The following NAALADL2 variants were observed in gnomAD, a reference collection of about 807,000 sequenced individuals.
The protein encoded by NAALADL2 is N-acetylated alpha-linked acidic dipeptidase like 2.
A neutral mutation model predicts 87.2 loss-of-function variants in NAALADL2; 76 were observed. That is an observed-to-expected ratio of 0.87 (90% CI 0.72 to 1.05). The LOEUF is 1.05. Among genes scored for constraint, NAALADL2 ranks in the 50% least tolerant of loss-of-function variants. NAALADL2 has a pLI of 0.00. For synonymous variants in NAALADL2, 354 were observed against 331.0 expected (o/e 1.07, Z -0.75); for missense variants, 1,089 against 945.8 (o/e 1.15, Z -1.99).
At chr3:175,668,395 T>A (rs1047793016) in intron 11 of NAALADL2, among the ~76,000 whole-genome samples, 2 of 152,158 alleles carry the variant, frequency 1.3e-5, no homozygotes, top group African/African-American at 4.8e-5. Flanking sequence ...TTAACTTTAG[T>A]ACTGTGGATG....
At chr3:174,516,469 T>A (rs761588877) in intron 1 of NAALADL2, among the ~76,000 whole-genome samples, 4 of 152,058 alleles carry the variant, frequency 2.6e-5, no homozygotes, top group Non-Finnish European at 4.4e-5. Flanking sequence ...GCCTGGTAAT[T>A]CTACTTTACT....
intron 4 of NAALADL2, among the ~76,000 whole-genome samples, chr3:175,286,805 A>G (rs1247855258): frequency 6.6e-6 from 1 of 152,168 alleles, no homozygotes; most frequent in African/African-American, 2.4e-5. Flanking sequence ...TAACAATGTT[A>G]TCTAGGCTGG....
chr3:175,683,583 T>C (rs1256210665), intron 11 of NAALADL2, among the ~76,000 whole-genome samples: 3 of 151,998 alleles, frequency 2.0e-5, no homozygotes, highest in Non-Finnish European at 2.9e-5. Context: ...TATACAAGTT[T>C]CTATTTAAAA....
intron 5 of NAALADL2, among the ~76,000 whole-genome samples, chr3:175,364,039 G>A (rs184732152): frequency 3.4e-5 from 5 of 147,728 alleles, no homozygotes; most frequent in East Asian, 4.0e-4. Flanking sequence ...GTGATTTCTG[G>A]TAGCTGTATT....
intron 9 of NAALADL2, among the ~76,000 whole-genome samples, chr3:175,494,113 GT>G (rs1728488398): frequency 8.1e-6 from 1 of 122,902 alleles, no homozygotes; most frequent in Non-Finnish European, 1.7e-5. Context: ...AAATTATACT[GT>G]GAGTTTTATC....
chr3:175,075,631 A>G (rs1301333075), intron 1 of NAALADL2, among the ~76,000 whole-genome samples: 1 of 152,156 alleles, frequency 6.6e-6, no homozygotes, highest in East Asian at 1.9e-4. Flanking sequence ...AAAGATATCA[A>G]TGGAGGGTTT....
chr3:175,313,735 A>G lies in NAALADL2; in HGVS notation c.940-10440A>G, dbSNP rs535772894. On this transcript the variant is annotated intron_variant, in intron 4 of 13. Transcript: ENST00000454872. ...AAATATGTTTTGGTTAAAAGTAACA[A>G]TAGAAGTTAATAAGAAGAGAAGTTG... Among the ~76,000 whole-genome samples the G allele has an allele frequency of 2.6e-5, 4 of 152,284 alleles. No homozygotes were observed. The South Asian group carries it at 8.3e-4, about 32-fold the overall frequency.
chr3:175,317,203 ACTG>A (rs1759262472), intron 4 of NAALADL2, among the ~76,000 whole-genome samples: 1 of 152,152 alleles, frequency 6.6e-6, no homozygotes, highest in Admixed American at 6.5e-5. Context: ...AAGAGACACA[ACTG>A]GCAATTCTAG....
chr3:174,908,824 A>G (rs972602416), intron 1 of NAALADL2, among the ~76,000 whole-genome samples: 1 of 152,096 alleles, frequency 6.6e-6, no homozygotes, highest in Non-Finnish European at 1.5e-5. Context: ...TATTAGATCT[A>G]TGGCAGGTAT....
chr3:174,870,153 A>G (rs376083500), intron 1 of NAALADL2, among the ~76,000 whole-genome samples: 1 of 151,908 alleles, frequency 6.6e-6, no homozygotes, highest in South Asian at 2.1e-4. Context: ...TTTTAGGTAG[A>G]GATTGTTATT....
chr3:175,306,627 A>T (rs1581347201), intron 4 of NAALADL2, among the ~76,000 whole-genome samples: 3 of 152,118 alleles, frequency 2.0e-5, no homozygotes, highest in Admixed American at 1.3e-4. Flanking sequence ...GGAGATCCAG[A>T]CCATCTTGGC....
At chr3:175,178,087 A>G (rs1735949976) in intron 2 of NAALADL2, among the ~76,000 whole-genome samples, 1 of 152,030 alleles carries the variant, frequency 6.6e-6, no homozygotes, top group African/African-American at 2.4e-5. Context: ...TCCATAGACA[A>G]GTCATTTAAC....
intron 9 of NAALADL2, among the ~76,000 whole-genome samples, chr3:175,522,667 T>C (rs918250672): frequency 1.3e-5 from 2 of 152,234 alleles, no homozygotes; most frequent in East Asian, 1.9e-4. Context: ...AAATACTTTT[T>C]CTCATACCTG....
intron 13 of NAALADL2, among the ~76,000 whole-genome samples, chr3:175,770,896 CTCTTT>C (rs1559992620): frequency 6.6e-6 from 1 of 152,148 alleles, no homozygotes; most frequent in Non-Finnish European, 1.5e-5. Context: ...TTTCCAATTT[CTCTTT>C]TCTTTTCTTA....
At chr3:174,833,567 C>T (rs1168422062) in intron 3 of NAALADL2, among the ~76,000 whole-genome samples, 2 of 151,884 alleles carry the variant, frequency 1.3e-5, no homozygotes, top group African/African-American at 4.8e-5. Context: ...CAGTTTTGCC[C>T]TGATTAAACA....
At chr3:174,772,894 G>C (rs972183116) in intron 3 of NAALADL2, among the ~76,000 whole-genome samples, 5 of 152,196 alleles carry the variant, frequency 3.3e-5, no homozygotes, top group Non-Finnish European at 7.3e-5. Context: ...GTGCACTCTA[G>C]AGAGTAATTC....
At chr3:174,558,826 A>G (rs1425145280) in intron 2 of NAALADL2, among the ~76,000 whole-genome samples, 1 of 152,194 alleles carries the variant, frequency 6.6e-6, no homozygotes, top group Non-Finnish European at 1.5e-5. Context: ...CATTTTGCCA[A>G]CATGTACCTT....
intron 3 of NAALADL2, among the ~76,000 whole-genome samples, chr3:174,822,416 A>C (rs1296464682): frequency 1.3e-5 from 2 of 152,198 alleles, no homozygotes; most frequent in Non-Finnish European, 2.9e-5. Context: ...GACCAGTTTA[A>C]AAAGAAAACA....
intron 5 of NAALADL2, among the ~76,000 whole-genome samples, chr3:175,418,629 C>G (rs757041294): frequency 1.3e-5 from 2 of 151,990 alleles, no homozygotes; most frequent in Non-Finnish European, 2.9e-5. Context: ...GGCATGCCAG[C>G]CTTCATTGTG....
Sources: allele counts gnomAD v4.1 joint callset (sites outside exome capture counted in the v4.1 genomes callset), GRCh38; gene constraint gnomAD v4.1.1; transcripts MANE v1.5; gene names NCBI Gene and HGNC (gene_info 2026-07-23, HGNC 2026-07-21).